The following MON2 variants were observed in gnomAD, a reference collection of about 807,000 sequenced individuals.
MON2 encodes the protein MON2 regulator of endosome-to-Golgi trafficking.
In MON2, 84 loss-of-function variants were observed where a neutral mutation model predicts 208.6. The ratio of observed to expected loss-of-function variants is 0.40; its 90% CI spans 0.34 to 0.48. MON2 has a LOEUF of 0.48. MON2 is among the 20% of genes least tolerant of loss of function. The pLI is 0.59. For synonymous variants in MON2, 660 were observed against 694.0 expected (o/e 0.95, Z 0.77); for missense variants, 1,611 against 2,015.4 (o/e 0.80, Z 3.84).
At chr12:62,474,616 G>C (rs1426153888) in intron 1 of MON2, among the ~76,000 whole-genome samples, 1 of 151,314 alleles carries the variant, frequency 6.6e-6, no homozygotes, top group African/African-American at 2.4e-5. Context: ...TAGAGACGGG[G>C]TTTCTCTGTG....
chr12:62,517,020 G>T (rs963140625), intron 8 of MON2, among the ~76,000 whole-genome samples: 4 of 152,190 alleles, frequency 2.6e-5, no homozygotes, highest in Non-Finnish European at 2.9e-5. Flanking sequence ...CAATGTAGTT[G>T]CCATAGTTGC....
intron 34 of MON2, chr12:62,588,737 G>T: frequency 1.8e-6 from 1 of 556,696 alleles, no homozygotes; most frequent in South Asian, 2.7e-5. Flanking sequence ...ACTCCAGTCT[G>T]ACTCCATTCT....
chr12:62,467,919 G>C (rs1039393665), intron 1 of MON2, among the ~76,000 whole-genome samples: 1 of 151,672 alleles, frequency 6.6e-6, no homozygotes, highest in Non-Finnish European at 1.5e-5. Context: ...CCTGAATTTA[G>C]TTCCAGCAAT....
At chr12:62,589,688 T>C (rs2136506334) in intron 34 of MON2, among the ~76,000 whole-genome samples, 1 of 149,840 alleles carries the variant, frequency 6.7e-6, no homozygotes, top group South Asian at 2.1e-4. Context: ...GGTGGGAGGA[T>C]TGCTTGAGCC....
chr12:62,565,299 G>C lies in MON2; in HGVS notation c.4095G>C (p.Leu1365Phe), dbSNP rs2074338936. ...IMYPAIFDQL[L>F]AFVEFSCKPP... ...ATCCAGCTATATTTGACCAGTTGTT[G>C]GCATTTGTAGAATTTTCCTGTAAAC... The change falls in exon 27 of 35, where the codon TTG (leucine) becomes TTC (phenylalanine). Residue 1365 changes from leucine to phenylalanine, a missense_variant. Transcript: ENST00000393630. The C allele has an allele frequency of 6.2e-7, 1 of 1,612,928 alleles. No individual in the cohort carries two copies. Among genetic ancestry groups the C allele is most frequent in the African/African-American group, 1.3e-5 (1 of 74,832 alleles).
chr12:62,583,400 G>A (rs566175492), intron 32 of MON2, among the ~76,000 whole-genome samples: 1 of 151,938 alleles, frequency 6.6e-6, no homozygotes, highest in South Asian at 2.1e-4. Context: ...GTGAAAGGTA[G>A]AAAGGAGAAG....
At chr12:62,560,184 A>C in intron 25 of MON2, 1 of 225,292 alleles carries the variant, frequency 4.4e-6, no homozygotes. Flanking sequence ...ATAGTGGTGA[A>C]GTCTGAGATT....
At chr12:62,492,051 G>A (rs952029808) in intron 2 of MON2, among the ~76,000 whole-genome samples, 4 of 152,152 alleles carry the variant, frequency 2.6e-5, no homozygotes, top group African/African-American at 9.7e-5. Flanking sequence ...GCCCTTTTGG[G>A]AACACTGTTC....
intron 8 of MON2, among the ~76,000 whole-genome samples, chr12:62,515,093 C>T (rs187251512): frequency 6.6e-6 from 1 of 152,256 alleles, no homozygotes; most frequent in Non-Finnish European, 1.5e-5. Flanking sequence ...CCTCAAAAAC[C>T]TGAAAATAGA....
chr12:62,477,600 A>G (rs2069162770), intron 1 of MON2, among the ~76,000 whole-genome samples: 1 of 103,470 alleles, frequency 9.7e-6, no homozygotes. Flanking sequence ...TTTTTTTTTT[A>G]GAGACAGCAT....
intron 29 of MON2, among the ~76,000 whole-genome samples, chr12:62,569,410 C>T (rs2074503472): frequency 6.6e-6 from 1 of 152,146 alleles, no homozygotes; most frequent in Admixed American, 6.5e-5. Flanking sequence ...TTATGACTGG[C>T]TGATCCAGTG....
Position 62,467,325 on chromosome 12 carries a change from T to G in MON2, c.111+7T>G, listed in dbSNP as rs978036263. 3 of 1,610,636 alleles carry G rather than the reference T, an allele frequency of 1.9e-6. No homozygotes were observed. Among genetic ancestry groups the G allele is most frequent in the South Asian group, 1.1e-5 (1 of 91,000 alleles). ...ATTCCCACCTGTCAAAGAGGTAAGC[T>G]TCAGGTGACGTCAGGAGAAGGCACT... On this transcript the variant is annotated splice_region_variant and intron_variant, in intron 1 of 34. Transcript: ENST00000393630.
intron 1 of MON2, among the ~76,000 whole-genome samples, chr12:62,477,949 C>G (rs1021247813): frequency 2.6e-5 from 4 of 152,206 alleles, no homozygotes; most frequent in South Asian, 2.1e-4. Context: ...TGAACCTACT[C>G]ATGGAACAGG....
At chr12:62,537,958 A>G in intron 16 of MON2, 138 bp from the exon 17 acceptor site, 1 of 728,492 alleles carries the variant, frequency 1.4e-6, no homozygotes, top group Non-Finnish European at 2.2e-6. Context: ...TTAATTAGTG[A>G]TTTTAGTTTT....
At chr12:62,573,941 G>A (rs1265322539) in intron 30 of MON2, among the ~76,000 whole-genome samples, 1 of 152,096 alleles carries the variant, frequency 6.6e-6, no homozygotes, top group Non-Finnish European at 1.5e-5. Context: ...AGTATGTTTG[G>A]TGTGTTGGAA....
chr12:62,491,886 T>C (rs945970925), intron 2 of MON2, among the ~76,000 whole-genome samples: 3 of 152,190 alleles, frequency 2.0e-5, no homozygotes, highest in African/African-American at 7.2e-5. Flanking sequence ...TTCTGGCAGG[T>C]TTAAATCTGG....
intron 1 of MON2, among the ~76,000 whole-genome samples, chr12:62,474,487 C>T (rs2068961833): frequency 6.6e-6 from 1 of 151,934 alleles, no homozygotes; most frequent in African/African-American, 2.4e-5. Flanking sequence ...TGCAGTGGTG[C>T]AATCTCGGCT....
intron 1 of MON2, among the ~76,000 whole-genome samples, chr12:62,481,084 A>C (rs540633372): frequency 4.6e-5 from 7 of 152,206 alleles, no homozygotes; most frequent in African/African-American, 1.4e-4. Context: ...TGGTTTGTAC[A>C]TCTTCAAGGT....
At chr12:62,545,099 C>A in intron 21 of MON2, 91 bp downstream of exon 21, 1 of 749,172 alleles carries the variant, frequency 1.3e-6, no homozygotes. Flanking sequence ...AGATCATATT[C>A]TAAGAGTAGG....
Sources: allele counts gnomAD v4.1 joint callset (sites outside exome capture counted in the v4.1 genomes callset), GRCh38; gene constraint gnomAD v4.1.1; transcripts MANE v1.5; gene names NCBI Gene and HGNC (gene_info 2026-07-23, HGNC 2026-07-21).